Variants in FAM234B observed in about 807,000 individuals in gnomAD.
FAM234B encodes protein FAM234B.
FAM234B carries 33 observed loss-of-function variants against 69.3 expected under a neutral mutation model. The observed-to-expected ratio is 0.48, with a 90% confidence interval of 0.36 to 0.64. The LOEUF (loss-of-function observed/expected upper bound fraction) is 0.64, where lower values mean the gene tolerates loss of function less well. Among genes scored for constraint, FAM234B ranks in the 30% least tolerant of loss-of-function variants. The pLI, the probability that FAM234B is intolerant of heterozygous loss-of-function variation, is 0.00. For missense variants in FAM234B, 697 were observed against 769.7 expected (o/e 0.91, Z 1.12); for synonymous variants, 306 against 306.9 (o/e 1.00, Z 0.03).
chr12:13,067,017 C>A lies in FAM234B; in HGVS notation c.1001-138C>A, dbSNP rs916550822. The A allele has an allele frequency of 4.7e-6, 5 of 1,053,086 alleles. No individual in the cohort carries two copies. Among genetic ancestry groups the A allele is most frequent in the Non-Finnish European group, 7.0e-6 (5 of 718,268 alleles). 65.2% of individuals were successfully genotyped at this position (1,053,086 alleles called of 1,614,324 possible). A position where few individuals can be genotyped will look rare whatever the true frequency, so the allele number is the denominator to read the frequency against. On this transcript the variant is annotated intron_variant, in intron 6 of 12. Coordinates refer to ENST00000197268, the MANE Select transcript of FAM234B (RefSeq NM_020853.2). The surrounding 1 kb of genome is among the most constrained non-coding windows in gnomAD (Gnocchi z 4.7). ...TCCAGCACCCACTTAATCACCTCCC[C>A]ACTTGTTCCGTGTTGTCCAGTCTGG...
intron 9 of FAM234B, among the ~76,000 whole-genome samples, chr12:13,070,847 G>A (rs1040804958): frequency 3.9e-5 from 6 of 152,148 alleles, no homozygotes; most frequent in African/African-American, 7.2e-5. Flanking sequence ...GGGATAAGGT[G>A]CTGCTGTTGG....
rs544137239 is a variant in FAM234B at position 13,062,715 on chromosome 12, A to G, written c.722-130A>G. On this transcript the variant is annotated intron_variant, in intron 4 of 12. Transcript: ENST00000197268. ...CTCAGTAAGACAAAAACGAAAGGCAATAAGTAGGTAGGAGTTGCTGTCTGT... is the reference window on the plus strand; with the variant it reads ...CTCAGTAAGACAAAAACGAAAGGCAGTAAGTAGGTAGGAGTTGCTGTCTGT... 40 of 903,002 alleles carry G rather than the reference A, an allele frequency of 4.4e-5. No individual in the cohort carries two copies. The Middle Eastern group carries it at 1.1e-3, about 24-fold the overall frequency. 55.9% of individuals were successfully genotyped at this position (903,002 alleles called of 1,614,324 possible). A position where few individuals can be genotyped will look rare whatever the true frequency, so the allele number is the denominator to read the frequency against.
Position 13,068,293 on chromosome 12 carries a change from A to G in FAM234B, c.1143-11A>G. The G allele has an allele frequency of 6.2e-7, 1 of 1,614,044 alleles. No homozygotes were observed. Among genetic ancestry groups the G allele is most frequent in the Non-Finnish European group, 8.5e-7 (1 of 1,179,972 alleles). On this transcript the variant is annotated splice_polypyrimidine_tract_variant and intron_variant, in intron 7 of 12. Coordinates refer to ENST00000197268, the MANE Select transcript of FAM234B (RefSeq NM_020853.2). ...GCCAGAGACTAACCGTTGGGGTCTT[A>G]TTTAACCCAGTGATGGTGTTGAACT...
At chr12:13,068,827 A>G in intron 9 of FAM234B, 116 bp downstream of exon 9, 1 of 653,344 alleles carries the variant, frequency 1.5e-6, no homozygotes, top group Non-Finnish European at 2.7e-6. Flanking sequence ...CTCTAACTTC[A>G]AAGAACTCAA....
At chr12:13,056,978 CTT>C (rs72097692) in intron 2 of FAM234B, among the ~76,000 whole-genome samples, 20 of 129,418 alleles carry the variant, frequency 1.5e-4, no homozygotes, top group East Asian at 2.3e-4. Flanking sequence ...CTGTGAACTG[CTT>C]TTTTTTTTTT....
rs1239208362 is a variant in FAM234B, at chr12:13,081,342, A to G, written c.*712A>G. On this transcript the variant is annotated 3_prime_UTR_variant, in exon 13 of 13. Coordinates refer to ENST00000197268, the MANE Select transcript of FAM234B (RefSeq NM_020853.2). The stretch of plus-strand genomic sequence containing the variant: ...ATAACTATATTCCTATCACAAGGGG[A>G]GCAAGAGGATGTAGTCTCAGTGACC... 1 of 152,272 alleles carries G rather than the reference A, an allele frequency of 6.6e-6. No homozygotes were observed. Among genetic ancestry groups the G allele is most frequent in the Non-Finnish European group, 1.5e-5 (1 of 68,054 alleles). The allele number at this position is 152,272 out of a possible 1,614,324, so 9.4% of individuals were successfully genotyped here.
rs567418454 is a variant in FAM234B, at chr12:13,044,790, G to T, written c.37+350G>T. On this transcript the variant is annotated intron_variant, in intron 1 of 12. Coordinates refer to ENST00000197268, the MANE Select transcript of FAM234B (RefSeq NM_020853.2). This position sits in a 1 kb window ranked among gnomAD's most constrained non-coding sequence, Gnocchi z 5.6. ...TCCCGAGCGCCGCGGACCCAGCACC[G>T]CAGGGACTCCGGCGCCTTCTGTCTT... is the stretch of plus-strand genomic sequence containing the variant. Among the ~76,000 whole-genome samples, 264 of 152,330 alleles carry T rather than the reference G, an allele frequency of 1.7e-3. No individual in the cohort carries two copies. The highest frequency in any genetic ancestry group is 3.2e-3 in the Non-Finnish European group (218 of 68,026).
At chr12:13,073,802 T>G (rs1427051689) in intron 10 of FAM234B, among the ~76,000 whole-genome samples, 1 of 152,236 alleles carries the variant, frequency 6.6e-6, no homozygotes, top group Non-Finnish European at 1.5e-5. Flanking sequence ...TAATCATTGG[T>G]TCTCTTCAGT....
chr12:13,076,640 AAAATC>A (rs1865162885), intron 11 of FAM234B, among the ~76,000 whole-genome samples: 1 of 152,262 alleles, frequency 6.6e-6, no homozygotes, highest in South Asian at 2.1e-4. Context: ...AGAAAGAAGA[AAAATC>A]AAAGGAAGAA....
intron 11 of FAM234B, among the ~76,000 whole-genome samples, chr12:13,078,716 A>G (rs1279247220): frequency 1.3e-5 from 2 of 152,204 alleles, no homozygotes; most frequent in Non-Finnish European, 2.9e-5. Context: ...TCAATGTACA[A>G]AAATCACAGG....
intron 5 of FAM234B, among the ~76,000 whole-genome samples, chr12:13,066,416 T>C (rs1345140354): frequency 6.6e-6 from 1 of 152,200 alleles, no homozygotes; most frequent in African/African-American, 2.4e-5. Context: ...CTGAGGTGCT[T>C]TGAAGATGCC....
rs1488567463 is a variant in FAM234B at position 13,079,871 on chromosome 12, G to C, written c.1725G>C (p.Leu575=). ...GPSSEGHPAA[L]VVSKLSLRWA... ...GCTCCGAAGGCCATCCAGCAGCCCT[G>C]GTGGTCAGCAAGCTTAGTCTACGGT... is the stretch of plus-strand genomic sequence containing the variant. Residue 575 remains leucine, a synonymous_variant, in exon 12 of 13, where the codon CTG becomes CTC. Transcript: ENST00000197268. 2.5e-6 allele frequency: 4 copies of C among 1,613,948 alleles called. No individual in the cohort carries two copies. The African/African-American group carries it at 5.3e-5, about 22-fold the overall frequency.
intron 1 of FAM234B, among the ~76,000 whole-genome samples, chr12:13,048,724 A>G (rs192225108): frequency 1.3e-5 from 2 of 152,318 alleles, no homozygotes; most frequent in Admixed American, 6.5e-5. Context: ...CTGTGGGCCA[A>G]TGTATTAGTC....
At chr12:13,045,220 C>CTTTTTTTTTTTT in intron 1 of FAM234B, among the ~76,000 whole-genome samples, 1 of 140,122 alleles carries the variant, frequency 7.1e-6, no homozygotes. Context: ...GTTTTTTTTC[C>CTTTTTTTTTTTT]TTTTTTTTTT....
In FAM234B at chr12:13,061,744, C is replaced by T. The variant is rs141626763; in HGVS notation, c.702C>T (p.Ser234=). The part of the protein sequence containing the change: ...CLVTGTHKML[S]AFNATSGKAI... Reference sequence around the variant, plus strand: ...TGACAGGGACACACAAGATGCTCAGCGCATTCAATGCAACGTCAGGTAAAT... The same window carrying T: ...TGACAGGGACACACAAGATGCTCAGTGCATTCAATGCAACGTCAGGTAAAT... The change falls in exon 4 of 13, where the codon AGC becomes AGT. Residue 234 remains serine, a synonymous_variant. Coordinates refer to ENST00000197268, the MANE Select transcript of FAM234B (RefSeq NM_020853.2). The T allele has an allele frequency of 1.1e-5, 17 of 1,613,766 alleles. No individual in the cohort carries two copies. Among genetic ancestry groups the T allele is most frequent in the South Asian group, 4.4e-5 (4 of 91,050 alleles).
At chr12:13,075,258 C>T (rs1865146618) in intron 10 of FAM234B, among the ~76,000 whole-genome samples, 1 of 152,010 alleles carries the variant, frequency 6.6e-6, no homozygotes, top group Non-Finnish European at 1.5e-5. Context: ...GCTTTGACAC[C>T]CAGTGAAAGG....
chr12:13,075,636 G>C (rs1284364236), intron 10 of FAM234B, among the ~76,000 whole-genome samples: 1 of 133,328 alleles, frequency 7.5e-6, no homozygotes, highest in Non-Finnish European at 1.6e-5. Context: ...TTGTATTTTC[G>C]GTAGGGACAG....
intron 10 of FAM234B, 51 bp downstream of exon 10, chr12:13,071,447 T>C: frequency 6.6e-7 from 1 of 1,515,328 alleles, no homozygotes; most frequent in Non-Finnish European, 9.2e-7. Context: ...TGGCAGCTGC[T>C]GTGCAGGGCT....
In FAM234B at chr12:13,044,399, C is replaced by T; in HGVS notation, c.-5C>T. On this transcript the variant is annotated 5_prime_UTR_variant, in exon 1 of 13. Coordinates refer to ENST00000197268, the MANE Select transcript of FAM234B (RefSeq NM_020853.2). This position sits in a 1 kb window ranked among gnomAD's most constrained non-coding sequence, Gnocchi z 5.6. ...GGCGCGCGCACGCGCACCGGGGCCT[C>T]AGCCATGGCGACCGTGCTGTCCAGG... 2 of 1,551,488 alleles carry T rather than the reference C, an allele frequency of 1.3e-6. No homozygotes were observed. Among genetic ancestry groups the T allele is most frequent in the Non-Finnish European group, 1.7e-6 (2 of 1,147,424 alleles).
Sources: gnomAD v4.1 joint callset for allele counts (sites outside exome capture counted in the v4.1 genomes callset) on GRCh38, gnomAD v4.1.1 for gene constraint, Gnocchi (gnomAD v3.1) non-coding constraint, MANE v1.5 for transcripts, NCBI Gene and HGNC (gene_info 2026-07-23, HGNC 2026-07-21) for gene names.